CHODL: variants seen among roughly 807,000 people sequenced by gnomAD.
The protein encoded by CHODL is transmembrane protein MT75.
CHODL carries 29 observed loss-of-function variants against 34.5 expected under a neutral mutation model. The ratio of observed to expected loss-of-function variants is 0.84; its 90% CI spans 0.63 to 1.15. The LOEUF (loss-of-function observed/expected upper bound fraction) is 1.15, where lower values mean the gene tolerates loss of function less well. Among genes scored for constraint, CHODL ranks in the 50% most tolerant of loss-of-function variants. The pLI is 0.00. For synonymous variants in CHODL, 125 were observed against 116.1 expected, an observed-to-expected ratio of 1.08 and a Z score of -0.49; for missense variants, 332 against 332.5, an observed-to-expected ratio of 1.00 and a Z score of 0.01.
chr21:18,140,032 G>T (rs1471110435), intron 2 of CHODL, among the ~76,000 whole-genome samples: 1 of 152,062 alleles, frequency 6.6e-6, no homozygotes, highest in Non-Finnish European at 1.5e-5. Context: ...TCCATCTTCT[G>T]CCACTTAAAT....
At chr21:18,113,155 G>C (rs1052338980) in intron 2 of CHODL, among the ~76,000 whole-genome samples, 1 of 152,110 alleles carries the variant, frequency 6.6e-6, no homozygotes, top group Non-Finnish European at 1.5e-5. Context: ...TGGCAAATAG[G>C]CATATGAAAA....
chr21:18,265,053 T>C lies in CHODL; in HGVS notation c.738-901T>C, dbSNP rs149228748. 5.2e-3 allele frequency among the ~76,000 whole-genome samples: 790 copies of C among 151,730 alleles called. 5 individuals carry two copies. Among genetic ancestry groups the C allele is most frequent in the African/African-American group, 0.018 (746 of 41,362 alleles). ...TTCCAAAATAATTGATCAAAGAAAA[T>C]AAAGGTATTTATTGGTGAATAAAAC... is the stretch of plus-strand genomic sequence containing the variant. On this transcript the variant is annotated intron_variant, in intron 5 of 5. Coordinates refer to ENST00000299295, the MANE Select transcript of CHODL (RefSeq NM_024944.3).
intron 2 of CHODL, among the ~76,000 whole-genome samples, chr21:18,035,295 T>G (rs1257440644): frequency 1.3e-5 from 2 of 151,990 alleles, no homozygotes; most frequent in Non-Finnish European, 2.9e-5. Context: ...TTTAAATACG[T>G]TTTATCACTT....
chr21:18,209,642 G>A (rs760388717), intron 2 of CHODL, among the ~76,000 whole-genome samples: 9 of 152,102 alleles, frequency 5.9e-5, no homozygotes, highest in Non-Finnish European at 1.0e-4. Flanking sequence ...GGTCACATCT[G>A]AAGCCAGCAC....
chr21:18,238,361 T>C (rs1030758613), intron 2 of CHODL, among the ~76,000 whole-genome samples: 8 of 152,092 alleles, frequency 5.3e-5, no homozygotes, highest in African/African-American at 1.9e-4. Context: ...AAAAGGCACT[T>C]CTTACATGGT....
intron 1 of CHODL, among the ~76,000 whole-genome samples, chr21:18,022,711 T>A (rs755428546): frequency 1.3e-5 from 2 of 152,240 alleles, no homozygotes; most frequent in Non-Finnish European, 2.9e-5. Context: ...ATTATTTCAC[T>A]CTTATTCCTT....
intron 2 of CHODL, among the ~76,000 whole-genome samples, chr21:18,118,540 A>G (rs1202755167): frequency 6.6e-6 from 1 of 152,236 alleles, no homozygotes; most frequent in East Asian, 1.9e-4. Flanking sequence ...ATAAAGCAGT[A>G]GCCAATACTG....
intron 1 of CHODL, among the ~76,000 whole-genome samples, chr21:17,948,828 A>G (rs912576094): frequency 2.0e-5 from 3 of 152,182 alleles, no homozygotes; most frequent in Non-Finnish European, 2.9e-5. Context: ...ATAAACATTT[A>G]AAGAGGAGCT....
At chr21:18,190,143 C>T (rs1169462673) in intron 2 of CHODL, among the ~76,000 whole-genome samples, 4 of 152,060 alleles carry the variant, frequency 2.6e-5, no homozygotes, top group Non-Finnish European at 5.9e-5. Flanking sequence ...TTCTATCTTA[C>T]ATTTTGTTAA....
At chr21:18,210,748 T>C (rs1055081175) in intron 2 of CHODL, among the ~76,000 whole-genome samples, 3 of 152,196 alleles carry the variant, frequency 2.0e-5, no homozygotes, top group African/African-American at 4.8e-5. Context: ...AGTCTCCTAA[T>C]CATGAACTAC....
At chr21:18,017,050 C>T (rs1204300360) in intron 1 of CHODL, among the ~76,000 whole-genome samples, 1 of 152,198 alleles carries the variant, frequency 6.6e-6, no homozygotes, top group East Asian at 1.9e-4. Flanking sequence ...ATTTTACAGG[C>T]TCGTAGTTGG....
intron 2 of CHODL, among the ~76,000 whole-genome samples, chr21:18,028,230 CTCCCCT>C (rs1253047253): frequency 6.9e-5 from 8 of 116,618 alleles, no homozygotes; most frequent in Admixed American, 2.8e-4. Flanking sequence ...CTCCCCTCCC[CTCCCCT>C]TCCCCTTCCC....
intron 2 of CHODL, among the ~76,000 whole-genome samples, chr21:18,053,058 GT>G (rs2064535473): frequency 1.3e-5 from 2 of 151,888 alleles, no homozygotes; most frequent in Non-Finnish European, 2.9e-5. Flanking sequence ...TGATAGAGCA[GT>G]TTTCAAGCCC....
At chr21:18,261,623 C>T (rs763781735) in intron 4 of CHODL, among the ~76,000 whole-genome samples, 18 of 151,974 alleles carry the variant, frequency 1.2e-4, no homozygotes, top group Non-Finnish European at 2.4e-4. Context: ...GCCAAGATTG[C>T]GCCATGCACT....
At chr21:18,044,872 A>C (rs2064422605) in intron 2 of CHODL, among the ~76,000 whole-genome samples, 1 of 151,920 alleles carries the variant, frequency 6.6e-6, no homozygotes, top group South Asian at 2.1e-4. Context: ...TATTCAATAA[A>C]TATGTACTGA....
chr21:18,072,450 A>T (rs2146501218), intron 2 of CHODL, among the ~76,000 whole-genome samples: 1 of 152,286 alleles, frequency 6.6e-6, no homozygotes, highest in Non-Finnish European at 1.5e-5. Context: ...AGTTGACATT[A>T]TCAAGTGCAA....
At chr21:18,051,454 C>G (rs968469785) in intron 2 of CHODL, among the ~76,000 whole-genome samples, 4 of 149,180 alleles carry the variant, frequency 2.7e-5, no homozygotes, top group Non-Finnish European at 4.4e-5. Flanking sequence ...ATATGTGACA[C>G]ATTCTGGGCT....
At chr21:17,977,701 G>T (rs1484930848) in intron 1 of CHODL, among the ~76,000 whole-genome samples, 2 of 146,198 alleles carry the variant, frequency 1.4e-5, no homozygotes, top group East Asian at 4.3e-4. Context: ...GGCGAATCCC[G>T]AGGTCAAGAG....
intron 1 of CHODL, among the ~76,000 whole-genome samples, chr21:17,984,855 C>G (rs932270977): frequency 6.6e-6 from 1 of 151,984 alleles, no homozygotes; most frequent in Non-Finnish European, 1.5e-5. Flanking sequence ...ACATTATTTT[C>G]TTCACTAATT....
Sources: gnomAD v4.1 joint callset for allele counts (sites outside exome capture counted in the v4.1 genomes callset) on GRCh38, gnomAD v4.1.1 for gene constraint, MANE v1.5 for transcripts, NCBI Gene and HGNC (gene_info 2026-07-23, HGNC 2026-07-21) for gene names.